ROBO1: variants seen among roughly 807,000 people sequenced by gnomAD.
ROBO1 encodes roundabout homolog 1.
ROBO1 carries 149 observed loss-of-function variants against 195.9 expected under a neutral mutation model. The ratio of observed to expected loss-of-function variants is 0.76; its 90% CI spans 0.67 to 0.87. The LOEUF (loss-of-function observed/expected upper bound fraction) is 0.87. Ranked by LOEUF, ROBO1 falls within the 40% of genes least tolerant of loss-of-function variation. The pLI is 0.00. For synonymous variants in ROBO1, 816 were observed against 733.2 expected (o/e 1.11, Z -1.82); for missense variants, 1,933 against 2,068.3 (o/e 0.93, Z 1.27).
At chr3:79,551,937 T>C (rs1366335343) in intron 2 of ROBO1, among the ~76,000 whole-genome samples, 2 of 120,110 alleles carry the variant, frequency 1.7e-5, no homozygotes, top group East Asian at 5.0e-4. Flanking sequence ...ATAAGAATAA[T>C]GGAGACCTCT....
intron 2 of ROBO1, among the ~76,000 whole-genome samples, chr3:79,518,153 G>T (rs1006953305): frequency 3.3e-5 from 5 of 152,080 alleles, no homozygotes; most frequent in Non-Finnish European, 7.4e-5. Flanking sequence ...AACCTATTTG[G>T]TTTTGAATGT....
At chr3:79,051,537 A>C (rs2078698861) in intron 3 of ROBO1, among the ~76,000 whole-genome samples, 1 of 152,146 alleles carries the variant, frequency 6.6e-6, no homozygotes, top group African/African-American at 2.4e-5. Flanking sequence ...AAAAGAGGGA[A>C]TCCTCCATAA....
intron 3 of ROBO1, among the ~76,000 whole-genome samples, chr3:78,939,435 A>G (rs920726297): frequency 6.6e-6 from 1 of 150,550 alleles, no homozygotes; most frequent in Non-Finnish European, 1.5e-5. Context: ...TAACAAGGTG[A>G]AACCCCGTCT....
intron 10 of ROBO1, among the ~76,000 whole-genome samples, chr3:78,676,642 A>G (rs1283908905): frequency 6.6e-6 from 1 of 152,130 alleles, no homozygotes; most frequent in Non-Finnish European, 1.5e-5. Context: ...ATAAAAAGAA[A>G]TGAACAAAGC....
At chr3:79,147,718 T>C (rs568034571) in intron 2 of ROBO1, among the ~76,000 whole-genome samples, 142 of 152,134 alleles carry the variant, frequency 9.3e-4, no homozygotes, top group Admixed American at 1.7e-3. Context: ...TCTATTGATT[T>C]CTTTTGGTGC....
At chr3:78,809,777 G>A (rs1194077459) in intron 4 of ROBO1, among the ~76,000 whole-genome samples, 2 of 117,940 alleles carry the variant, frequency 1.7e-5, no homozygotes, top group African/African-American at 5.5e-5. Flanking sequence ...ACTCATAAGT[G>A]GGAGTTGAAC....
At chr3:79,090,185 G>T (rs932336416) in intron 3 of ROBO1, among the ~76,000 whole-genome samples, 1 of 151,926 alleles carries the variant, frequency 6.6e-6, no homozygotes, top group African/African-American at 2.4e-5. Flanking sequence ...TGATCCACCC[G>T]CCTCAGCCTC....
At chr3:79,128,727 ACT>A (rs2080264369) in intron 2 of ROBO1, among the ~76,000 whole-genome samples, 1 of 152,044 alleles carries the variant, frequency 6.6e-6, no homozygotes, top group African/African-American at 2.4e-5. Flanking sequence ...AGACGTATAC[ACT>A]CTTGTGAATT....
intron 1 of ROBO1, among the ~76,000 whole-genome samples, chr3:79,758,870 C>T (rs1310485317): frequency 6.6e-6 from 1 of 152,146 alleles, no homozygotes. Context: ...TGAATAAAAG[C>T]ACACAATAAA....
intron 1 of ROBO1, among the ~76,000 whole-genome samples, chr3:79,683,929 G>A (rs1188008982): frequency 6.6e-6 from 1 of 152,038 alleles, no homozygotes; most frequent in East Asian, 1.9e-4. Context: ...ACGTTTTTGA[G>A]TGGACACATG....
chr3:79,542,914 A>T (rs906867195), intron 2 of ROBO1, among the ~76,000 whole-genome samples: 1 of 152,100 alleles, frequency 6.6e-6, no homozygotes, highest in Non-Finnish European at 1.5e-5. Flanking sequence ...TTTAATTAAC[A>T]AAATTTCTTT....
At chr3:79,458,527 T>C (rs1314053653) in intron 2 of ROBO1, among the ~76,000 whole-genome samples, 2 of 152,026 alleles carry the variant, frequency 1.3e-5, no homozygotes, top group Non-Finnish European at 2.9e-5. Context: ...ACATTTTTTA[T>C]CATGTGTTCA....
intron 4 of ROBO1, among the ~76,000 whole-genome samples, chr3:78,845,111 A>G (rs2033564653): frequency 6.6e-6 from 1 of 152,096 alleles, no homozygotes; most frequent in African/African-American, 2.4e-5. Flanking sequence ...CATGTATCCT[A>G]TCCTTTTGCT....
At position 79,720,136 on chromosome 3, in the gene ROBO1, C is replaced by T. The variant is rs561510437; in HGVS notation, c.-51+47616G>A. ...GATGGCCCTCAATGAATCAGACTTTCCAGTATTCGTGCCCTTTATTAGACT... is the reference window on the plus strand; with the variant it reads ...GATGGCCCTCAATGAATCAGACTTTTCAGTATTCGTGCCCTTTATTAGACT... On this transcript the variant is annotated intron_variant, in intron 1 of 30. Coordinates refer to ENST00000464233, the MANE Select transcript of ROBO1 (RefSeq NM_002941.4). Among the ~76,000 whole-genome samples, 16 of 152,262 alleles carry T rather than the reference C, an allele frequency of 1.1e-4. No individual in the cohort carries two copies. The East Asian group carries it at 3.1e-3, about 29-fold the overall frequency.
chr3:79,150,250 C>CTT (rs375015691), intron 2 of ROBO1, among the ~76,000 whole-genome samples: 1 of 143,238 alleles, frequency 7.0e-6, no homozygotes, highest in Non-Finnish European at 1.5e-5. Context: ...GTTGATTTTT[C>CTT]TTTTTTTTTT....
intron 1 of ROBO1, among the ~76,000 whole-genome samples, chr3:79,648,937 A>T (rs1170340891): frequency 6.6e-6 from 1 of 152,152 alleles, no homozygotes; most frequent in Non-Finnish European, 1.5e-5. Context: ...ACATTGAGAA[A>T]ATAGTTGTCA....
chr3:79,015,580 G>A (rs559967527), intron 3 of ROBO1, among the ~76,000 whole-genome samples: 1 of 152,102 alleles, frequency 6.6e-6, no homozygotes, highest in South Asian at 2.1e-4. Flanking sequence ...TTCGTTTCAA[G>A]GCTACCTCTC....
At chr3:78,650,880 T>TA (rs1706603826) in intron 19 of ROBO1, among the ~76,000 whole-genome samples, 1 of 152,152 alleles carries the variant, frequency 6.6e-6, no homozygotes, top group African/African-American at 2.4e-5. Flanking sequence ...AACTGGGACT[T>TA]ACAACCATCT....
intron 8 of ROBO1, among the ~76,000 whole-genome samples, chr3:78,711,357 TCCTTCCTTCCTTCCTTCCTTCCTTC>T (rs1559772876): frequency 8.0e-5 from 3 of 37,372 alleles, no homozygotes; most frequent in South Asian, 1.2e-3. Context: ...CCTCCTTCCT[TCCTTCCTTCCTTCCTTCCTTCCTTC>T]CTTCCTTCCT....
Sources: gnomAD v4.1 joint callset for allele counts (sites outside exome capture counted in the v4.1 genomes callset) on GRCh38, gnomAD v4.1.1 for gene constraint, MANE v1.5 for transcripts, NCBI Gene and HGNC (gene_info 2026-07-23, HGNC 2026-07-21) for gene names.